Variants in RIMS2 observed in about 807,000 individuals in gnomAD.
The protein encoded by RIMS2 is regulating synaptic membrane exocytosis 2.
RIMS2 carries 59 observed loss-of-function variants against 174.4 expected under a neutral mutation model. That is an observed-to-expected ratio of 0.34 (90% CI 0.27 to 0.42). The LOEUF is 0.42. RIMS2 is among the 10% of genes least tolerant of loss of function. The probability of loss-of-function intolerance (pLI) is 1.00; values close to 1 mark genes in which losing one functional copy is unlikely to be tolerated. For missense variants in RIMS2, 1,620 were observed against 1,666.3 expected (o/e 0.97, Z 0.48); for synonymous variants, 606 against 572.5 (o/e 1.06, Z -0.84).
intron 19 of RIMS2, among the ~76,000 whole-genome samples, chr8:104,043,700 A>G (rs2096647266): frequency 6.6e-6 from 1 of 151,700 alleles, no homozygotes; most frequent in African/African-American, 2.4e-5. Context: ...TTATCTTAAG[A>G]ATTTTCAGAT....
chr8:103,796,279 T>C (rs1057405173), intron 3 of RIMS2, among the ~76,000 whole-genome samples: 1 of 152,174 alleles, frequency 6.6e-6, no homozygotes, highest in Non-Finnish European at 1.5e-5. Flanking sequence ...TTCTTAACTT[T>C]ATAAGAGAAA....
At chr8:103,953,921 A>G (rs2086255254) in intron 14 of RIMS2, among the ~76,000 whole-genome samples, 1 of 152,112 alleles carries the variant, frequency 6.6e-6, no homozygotes, top group Non-Finnish European at 1.5e-5. Context: ...TACCAAGCAG[A>G]TGGAAAGCAA....
chr8:103,928,099 A>G (rs2079135695), intron 11 of RIMS2, among the ~76,000 whole-genome samples: 2 of 151,576 alleles, frequency 1.3e-5, no homozygotes, highest in Admixed American at 1.3e-4. Context: ...TTTGTTAGTG[A>G]TTTTATATGA....
intron 11 of RIMS2, among the ~76,000 whole-genome samples, chr8:103,929,036 G>C (rs1381458566): frequency 1.3e-5 from 2 of 151,596 alleles, no homozygotes; most frequent in Admixed American, 1.3e-4. Context: ...AAAAATTAGT[G>C]CTATATTCAA....
intron 2 of RIMS2, among the ~76,000 whole-genome samples, chr8:103,729,582 T>C (rs2097567114): frequency 6.6e-6 from 1 of 152,184 alleles, no homozygotes; most frequent in Admixed American, 6.5e-5. Context: ...TGCTATGATT[T>C]GTGTTATTAC....
chr8:103,972,719 G>T (rs1397525362), intron 15 of RIMS2, among the ~76,000 whole-genome samples: 1 of 151,988 alleles, frequency 6.6e-6, no homozygotes, highest in East Asian at 1.9e-4. Flanking sequence ...TTATCAGCTT[G>T]GAAAACCATC....
chr8:103,669,185 A>G (rs2096713683), intron 1 of RIMS2, among the ~76,000 whole-genome samples: 1 of 152,192 alleles, frequency 6.6e-6, no homozygotes, highest in African/African-American at 2.4e-5. Context: ...GAGCCATGCG[A>G]AAGTGTTTCC....
At chr8:104,077,002 A>G (rs1052077248) in intron 19 of RIMS2, among the ~76,000 whole-genome samples, 1 of 151,506 alleles carries the variant, frequency 6.6e-6, no homozygotes. Context: ...TCGTTTTAGT[A>G]AAAGGCAGGG....
chr8:103,788,571 G>T (rs1376299384), intron 3 of RIMS2, among the ~76,000 whole-genome samples: 1 of 151,742 alleles, frequency 6.6e-6, no homozygotes, highest in Non-Finnish European at 1.5e-5. Flanking sequence ...GTGCCTCCCA[G>T]TTAGGCTGCT....
intron 2 of RIMS2, among the ~76,000 whole-genome samples, chr8:103,704,660 C>G (rs1267652754): frequency 1.3e-5 from 2 of 151,890 alleles, no homozygotes; most frequent in Non-Finnish European, 2.9e-5. Context: ...TTATATTGGT[C>G]TGTTTAGGTT....
intron 17 of RIMS2, among the ~76,000 whole-genome samples, chr8:104,009,061 G>A (rs1400818423): frequency 1.3e-5 from 2 of 151,740 alleles, no homozygotes; most frequent in East Asian, 3.9e-4. Flanking sequence ...AGTTAATCTT[G>A]CACATTAATG....
At chr8:103,921,254 T>C (rs1056090071) in intron 9 of RIMS2, among the ~76,000 whole-genome samples, 7 of 152,208 alleles carry the variant, frequency 4.6e-5, no homozygotes, top group African/African-American at 1.4e-4. Flanking sequence ...AAAAATTTAA[T>C]AATTTTGCAC....
At chr8:103,936,495 T>C in intron 12 of RIMS2, 56 bp from the exon 15 acceptor site, 1 of 1,212,434 alleles carries the variant, frequency 8.2e-7, no homozygotes, top group Non-Finnish European at 1.1e-6. Context: ...TTAAAAAATT[T>C]TAGGACAAAA....
chr8:103,927,672 ATTAAT>A (rs1432915477), intron 10 of RIMS2, among the ~76,000 whole-genome samples: 3 of 151,136 alleles, frequency 2.0e-5, no homozygotes, highest in Non-Finnish European at 3.0e-5. Context: ...ATTGGACAAA[ATTAAT>A]TTATTCATCA....
At chr8:103,516,403 C>G (rs1276480282) in intron 1 of RIMS2, among the ~76,000 whole-genome samples, 1 of 152,050 alleles carries the variant, frequency 6.6e-6, no homozygotes, top group Non-Finnish European at 1.5e-5. Flanking sequence ...AGTCTGCAGT[C>G]CCTTTACTGA....
chr8:104,040,725 A>T (rs925837354), intron 19 of RIMS2, among the ~76,000 whole-genome samples: 2 of 151,756 alleles, frequency 1.3e-5, no homozygotes, highest in African/African-American at 2.4e-5. Flanking sequence ...GACTTGTACT[A>T]TAATTATTAC....
At chr8:103,998,000 A>T (rs938349138) in intron 17 of RIMS2, among the ~76,000 whole-genome samples, 2 of 151,436 alleles carry the variant, frequency 1.3e-5, no homozygotes, top group African/African-American at 4.8e-5. Context: ...GAATATTTTA[A>T]CCTTTGGCAC....
intron 6 of RIMS2, among the ~76,000 whole-genome samples, chr8:103,914,666 T>C (rs2076334605): frequency 6.6e-6 from 1 of 152,160 alleles, no homozygotes; most frequent in Non-Finnish European, 1.5e-5. Flanking sequence ...ATGCATGGAA[T>C]AAGATACACC....
intron 19 of RIMS2, among the ~76,000 whole-genome samples, chr8:104,178,446 T>G (rs928727607): frequency 1.3e-5 from 2 of 152,144 alleles, no homozygotes; most frequent in African/African-American, 4.8e-5. Flanking sequence ...TTGTCTCCCG[T>G]TTGTTTCTTT....
Sources: gnomAD v4.1 joint callset for allele counts (sites outside exome capture counted in the v4.1 genomes callset) on GRCh38, gnomAD v4.1.1 for gene constraint, MANE v1.5 for transcripts, NCBI Gene and HGNC (gene_info 2026-07-23, HGNC 2026-07-21) for gene names.